Variants in MCCC2 observed in about 807,000 individuals in gnomAD.
The protein encoded by MCCC2 is methylcrotonyl-CoA carboxylase subunit 2.
A neutral mutation model predicts 77.2 loss-of-function variants in MCCC2; 52 were observed. That is an observed-to-expected ratio of 0.67 (90% CI 0.54 to 0.85). The LOEUF is 0.85. Ranked by LOEUF, MCCC2 falls within the 40% of genes least tolerant of loss-of-function variation. The probability of loss-of-function intolerance (pLI) is 0.00; values close to 1 mark genes in which losing one functional copy is unlikely to be tolerated. For missense variants in MCCC2, 682 were observed against 703.2 expected, an observed-to-expected ratio of 0.97 and a Z score of 0.34; for synonymous variants, 253 against 248.4, an observed-to-expected ratio of 1.02 and a Z score of -0.18.
chr5:71,613,395 T>TA (rs2112369705), intron 6 of MCCC2, among the ~76,000 whole-genome samples: 1 of 152,334 alleles, frequency 6.6e-6, no homozygotes, highest in South Asian at 2.1e-4. Flanking sequence ...AAAGTGTACT[T>TA]ACTTCTTGGA....
intron 7 of MCCC2, among the ~76,000 whole-genome samples, chr5:71,628,399 T>A (rs942019855): frequency 1.3e-5 from 2 of 152,236 alleles, no homozygotes; most frequent in Admixed American, 1.3e-4. Context: ...ATCCAGTTTA[T>A]GCATTTTTTC....
At chr5:71,614,787 A>G (rs1016895777) in intron 6 of MCCC2, among the ~76,000 whole-genome samples, 2 of 151,790 alleles carry the variant, frequency 1.3e-5, no homozygotes, top group Non-Finnish European at 2.9e-5. Flanking sequence ...CCCAGCCCAG[A>G]CCCCATCTTT....
rs759128885 is a variant in MCCC2, at chr5:71,599,640, C to T, written c.282-19C>T. On this transcript the variant is annotated intron_variant, in intron 3 of 16. Coordinates refer to ENST00000340941, the MANE Select transcript of MCCC2 (RefSeq NM_022132.5). Reference sequence around the variant, plus strand: ...TTTTTAATGACATTAATTCAAACAACATCCTTTCTTCGCTTTAGGTCTCCA... The same window carrying T: ...TTTTTAATGACATTAATTCAAACAATATCCTTTCTTCGCTTTAGGTCTCCA... 3.1e-6 allele frequency: 5 copies of T among 1,587,932 alleles called. No homozygotes were observed. In the African/African-American group the frequency reaches 6.7e-5, roughly 21 times the overall value.
In MCCC2 at chr5:71,587,364, G is replaced by C. The variant is rs1744797447; in HGVS notation, c.-62G>C. ...CAGCTTCCGCCCCAGCCAGGGAAGC[G>C]GCAGGGGAAAGCACCGGCTCCAGGC... On this transcript the variant is annotated 5_prime_UTR_variant, in exon 1 of 17. Transcript: ENST00000340941. 2 of 1,519,262 alleles carry C rather than the reference G, an allele frequency of 1.3e-6. No individual in the cohort carries two copies. The highest frequency in any genetic ancestry group is 2.8e-5 in the African/African-American group (2 of 72,100). The allele number at this position is 1,519,262 out of a possible 1,614,324, so 94.1% of individuals were successfully genotyped here.
In MCCC2 at chr5:71,640,983, ATTG is replaced by A. The variant is rs796051988; in HGVS notation, c.1000-14_1000-12del. On this transcript the variant is annotated splice_polypyrimidine_tract_variant and intron_variant, in intron 10 of 16. Coordinates refer to ENST00000340941, the MANE Select transcript of MCCC2 (RefSeq NM_022132.5). ...TTTTGCAATATAATTTCTCAAGGCC[ATTG>A]TTGTTTTTCCTCTTAGGTCATTGCT... 3.7e-6 allele frequency: 6 copies of A among 1,607,764 alleles called. No homozygotes were observed. The highest frequency in any genetic ancestry group is 4.5e-5 in the East Asian group (2 of 44,832).
At chr5:71,635,463 A>C (rs898681552) in intron 10 of MCCC2, 1 of 616,532 alleles carries the variant, frequency 1.6e-6, no homozygotes, top group African/African-American at 1.8e-5. Context: ...GACCTCAATG[A>C]TTGGAAAGTT....
chr5:71,611,759 A>G (rs982610915), intron 6 of MCCC2, among the ~76,000 whole-genome samples: 1 of 151,948 alleles, frequency 6.6e-6, no homozygotes, highest in African/African-American at 2.4e-5. Flanking sequence ...TAGGCGCTTC[A>G]ACTATATCTC....
chr5:71,589,488 A>G (rs1485087974), intron 1 of MCCC2, among the ~76,000 whole-genome samples: 1 of 152,258 alleles, frequency 6.6e-6, no homozygotes, highest in Non-Finnish European at 1.5e-5. Flanking sequence ...GCAGCCCTGA[A>G]TTAAACATGC....
chr5:71,625,810 A>C (rs759517030), intron 6 of MCCC2, among the ~76,000 whole-genome samples: 5 of 152,208 alleles, frequency 3.3e-5, no homozygotes, highest in African/African-American at 7.2e-5. Flanking sequence ...CCAGTATGGC[A>C]TGCTGTTTTT....
intron 6 of MCCC2, among the ~76,000 whole-genome samples, chr5:71,606,068 G>C (rs1279568365): frequency 2.6e-5 from 4 of 152,090 alleles, no homozygotes; most frequent in Admixed American, 6.5e-5. Context: ...GCTCTTTTTT[G>C]GTTCCATGTG....
chr5:71,639,985 G>A (rs560096310), intron 10 of MCCC2, among the ~76,000 whole-genome samples: 96 of 152,310 alleles, frequency 6.3e-4, no homozygotes, highest in African/African-American at 2.2e-3. Flanking sequence ...CAGAAAAAGC[G>A]AAGTGCAAAC....
intron 8 of MCCC2, 77 bp from the exon 9 acceptor site, chr5:71,634,866 G>A (rs1746862856): frequency 1.6e-6 from 2 of 1,287,990 alleles, no homozygotes; most frequent in Admixed American, 1.7e-5. Context: ...TTAGATGAGA[G>A]AAGATACTTG....
At chr5:71,607,695 C>T (rs369491154) in intron 6 of MCCC2, among the ~76,000 whole-genome samples, 1 of 148,928 alleles carries the variant, frequency 6.7e-6, no homozygotes, top group Non-Finnish European at 1.5e-5. Context: ...ATCTTTCCTG[C>T]TTTCTCTTGT....
intron 16 of MCCC2, among the ~76,000 whole-genome samples, chr5:71,653,015 G>A (rs1376513200): frequency 6.6e-6 from 1 of 152,198 alleles, no homozygotes; most frequent in Non-Finnish European, 1.5e-5. Context: ...CCCCCTAGTT[G>A]AGGTGTCTGG....
intron 6 of MCCC2, among the ~76,000 whole-genome samples, chr5:71,606,834 C>A (rs1252654363): frequency 3.5e-5 from 5 of 142,790 alleles, no homozygotes; most frequent in African/African-American, 1.3e-4. Context: ...TTGAGATAAT[C>A]ATGTGGTTTT....
At chr5:71,643,560 C>A (rs1329876362) in intron 11 of MCCC2, among the ~76,000 whole-genome samples, 1 of 152,054 alleles carries the variant, frequency 6.6e-6, no homozygotes, top group Non-Finnish European at 1.5e-5. Context: ...TACACTAAGC[C>A]AATTATTTAA....
At chr5:71,618,418 A>G (rs1746240395) in intron 6 of MCCC2, among the ~76,000 whole-genome samples, 1 of 152,002 alleles carries the variant, frequency 6.6e-6, no homozygotes, top group African/African-American at 2.4e-5. Context: ...ATGCTCTTGG[A>G]TTTCCCAGCT....
intron 6 of MCCC2, among the ~76,000 whole-genome samples, chr5:71,612,943 G>C (rs1746015446): frequency 6.6e-6 from 1 of 152,188 alleles, no homozygotes. Context: ...CAGCAGCGGG[G>C]CTGTGCTTCC....
chr5:71,594,637 G>T (rs2112285972), intron 2 of MCCC2, among the ~76,000 whole-genome samples: 1 of 152,178 alleles, frequency 6.6e-6, no homozygotes, highest in Non-Finnish European at 1.5e-5. Context: ...GTGCAGGCTG[G>T]TGGCCACAGG....
Sources: gnomAD v4.1 joint callset for allele counts (sites outside exome capture counted in the v4.1 genomes callset) on GRCh38, gnomAD v4.1.1 for gene constraint, MANE v1.5 for transcripts, NCBI Gene and HGNC (gene_info 2026-07-23, HGNC 2026-07-21) for gene names.